The following OPCML variants were observed in gnomAD, a reference collection of about 807,000 sequenced individuals.
OPCML encodes opioid binding protein/cell adhesion molecule like.
In OPCML, 13 loss-of-function variants were observed where a neutral mutation model predicts 37.8. That is an observed-to-expected ratio of 0.34 (90% confidence interval 0.22 to 0.55). The LOEUF (loss-of-function observed/expected upper bound fraction) is 0.55, where lower values mean the gene tolerates loss of function less well. OPCML is among the 20% of genes least tolerant of loss of function. The pLI, the probability that OPCML is intolerant of heterozygous loss-of-function variation, is 0.91. For synonymous variants in OPCML, 176 were observed against 168.8 expected (o/e 1.04, Z -0.33); for missense variants, 341 against 435.6 (o/e 0.78, Z 1.93).
At chr11:133,038,552 C>T (rs572401825) in intron 1 of OPCML, among the ~76,000 whole-genome samples, 6 of 152,092 alleles carry the variant, frequency 3.9e-5, no homozygotes, top group African/African-American at 9.6e-5. Flanking sequence ...TTATATAATG[C>T]CAGGCTCTAG....
At chr11:132,683,525 T>C (rs1322846940) in intron 2 of OPCML, among the ~76,000 whole-genome samples, 3 of 152,214 alleles carry the variant, frequency 2.0e-5, no homozygotes, top group Non-Finnish European at 4.4e-5. Flanking sequence ...TGTATGACTT[T>C]TCGTAACTTA....
chr11:132,956,366 A>G (rs7933846), intron 1 of OPCML, among the ~76,000 whole-genome samples: 3,977 of 152,316 alleles, frequency 0.026, 167 homozygotes, highest in African/African-American at 0.088. Flanking sequence ...TGTGATTTAC[A>G]TAATTATTGT....
rs536829503 is a variant in OPCML at position 133,465,517 on chromosome 11, T to G, written c.61+66747A>C. 1.1e-3 allele frequency among the ~76,000 whole-genome samples: 173 copies of G among 152,356 alleles called. 1 individual carries two copies. Among genetic ancestry groups the G allele is most frequent in the Middle Eastern group, 3.4e-3 (1 of 294 alleles). On this transcript the variant is annotated intron_variant, in intron 1 of 7. Coordinates refer to ENST00000524381, the MANE Select transcript of OPCML (RefSeq NM_001012393.5). The stretch of plus-strand genomic sequence containing the variant: ...GAGTATCTGAGCATCAGCTGCGTGC[T>G]AAGCACTGTGCTAGAATCTGGGGTT...
chr11:133,246,192 A>G (rs1940919158), intron 1 of OPCML, among the ~76,000 whole-genome samples: 1 of 152,254 alleles, frequency 6.6e-6, no homozygotes, highest in Non-Finnish European at 1.5e-5. Context: ...ATTAAAATGA[A>G]GAGTTCAAAA....
chr11:133,419,006 T>C (rs1945826419), intron 1 of OPCML, among the ~76,000 whole-genome samples: 1 of 152,154 alleles, frequency 6.6e-6, no homozygotes. Flanking sequence ...TCCACACACC[T>C]ATGATTTCAT....
At chr11:133,505,727 CAA>C (rs781762541) in intron 1 of OPCML, among the ~76,000 whole-genome samples, 33 of 152,320 alleles carry the variant, frequency 2.2e-4, no homozygotes, top group Non-Finnish European at 4.4e-4. Context: ...AGGAAGAGAA[CAA>C]AGTTTTTCTC....
At chr11:133,460,330 G>A (rs1358836766) in intron 1 of OPCML, among the ~76,000 whole-genome samples, 1 of 151,720 alleles carries the variant, frequency 6.6e-6, no homozygotes, top group Non-Finnish European at 1.5e-5. Context: ...AAAAGAGTAA[G>A]TCCAAAACTA....
intron 1 of OPCML, chr11:133,297,528 A>G (rs974292518): frequency 6.6e-6 from 1 of 152,216 alleles, no homozygotes; most frequent in African/African-American, 2.4e-5. Flanking sequence ...GAAAAAATGC[A>G]TACGTCCCAG....
intron 4 of OPCML, among the ~76,000 whole-genome samples, chr11:132,511,760 T>A (rs1007872830): frequency 6.6e-6 from 1 of 152,040 alleles, no homozygotes; most frequent in Non-Finnish European, 1.5e-5. Flanking sequence ...CTCACATGGA[T>A]CTTACAGCTA....
At chr11:132,770,155 A>G (rs2136120656) in intron 2 of OPCML, among the ~76,000 whole-genome samples, 1 of 152,332 alleles carries the variant, frequency 6.6e-6, no homozygotes, top group East Asian at 1.9e-4. Context: ...TCAGAAGTCA[A>G]CAAATAACTT....
intron 3 of OPCML, among the ~76,000 whole-genome samples, chr11:132,599,688 T>G (rs974803936): frequency 5.3e-5 from 8 of 152,294 alleles, no homozygotes; most frequent in African/African-American, 1.9e-4. Context: ...TAGTTTTGAT[T>G]TGTATATTTT....
At chr11:132,886,020 T>A (rs563472820) in intron 2 of OPCML, among the ~76,000 whole-genome samples, 1 of 152,302 alleles carries the variant, frequency 6.6e-6, no homozygotes, top group South Asian at 2.1e-4. Flanking sequence ...TTCCACTAGC[T>A]TTTTTCAATT....
intron 2 of OPCML, among the ~76,000 whole-genome samples, chr11:132,718,478 G>C (rs959737331): frequency 6.6e-6 from 1 of 152,126 alleles, no homozygotes; most frequent in African/African-American, 2.4e-5. Context: ...AAATCCCTTA[G>C]GACCAGGCAT....
chr11:133,439,159 T>C, intron 1 of OPCML: 1 of 398,994 alleles, frequency 2.5e-6, no homozygotes, highest in Non-Finnish European at 3.4e-6. Context: ...ACCTGGGACT[T>C]GTGATTGGCA....
chr11:133,392,592 T>A (rs1284439492), intron 1 of OPCML, among the ~76,000 whole-genome samples: 2 of 152,206 alleles, frequency 1.3e-5, no homozygotes, highest in South Asian at 2.1e-4. Context: ...ATGCTTCTGC[T>A]GAGGGCTGTG....
chr11:132,459,998 T>G (rs2096095610), intron 4 of OPCML, among the ~76,000 whole-genome samples: 1 of 152,188 alleles, frequency 6.6e-6, no homozygotes, highest in African/African-American at 2.4e-5. Context: ...TGTCAGTTGT[T>G]TTTTCAAATA....
chr11:133,463,794 A>T (rs1178667525), intron 1 of OPCML, among the ~76,000 whole-genome samples: 1 of 152,214 alleles, frequency 6.6e-6, no homozygotes. Context: ...TTAAAAAATT[A>T]AATGATCAAA....
At chr11:133,045,670 C>T (rs965337825) in intron 1 of OPCML, among the ~76,000 whole-genome samples, 2 of 152,190 alleles carry the variant, frequency 1.3e-5, no homozygotes, top group African/African-American at 4.8e-5. Context: ...AGGAGCATCA[C>T]CTGTCATCGG....
intron 4 of OPCML, among the ~76,000 whole-genome samples, chr11:132,448,669 G>T (rs746749349): frequency 6.6e-6 from 1 of 152,136 alleles, no homozygotes; most frequent in Non-Finnish European, 1.5e-5. Context: ...CTCACCAAAG[G>T]CATCTGTCTT....
Sources: gnomAD v4.1 joint callset for allele counts (sites outside exome capture counted in the v4.1 genomes callset) on GRCh38, gnomAD v4.1.1 for gene constraint, MANE v1.5 for transcripts, NCBI Gene and HGNC (gene_info 2026-07-23, HGNC 2026-07-21) for gene names.